The following RIMS2 variants were observed in gnomAD, a reference collection of about 807,000 sequenced individuals.
The protein encoded by RIMS2 is regulating synaptic membrane exocytosis 2.
A neutral mutation model predicts 174.4 loss-of-function variants in RIMS2; 59 were observed. The ratio of observed to expected loss-of-function variants is 0.34; its 90% CI spans 0.27 to 0.42. RIMS2 has a LOEUF of 0.42. RIMS2 is among the 10% of genes least tolerant of loss of function. The pLI is 1.00. For synonymous variants in RIMS2, 606 were observed against 572.5 expected (o/e 1.06, Z -0.84); for missense variants, 1,620 against 1,666.3 (o/e 0.97, Z 0.48).
At chr8:103,531,972 A>G (rs1402013843) in intron 1 of RIMS2, among the ~76,000 whole-genome samples, 2 of 152,250 alleles carry the variant, frequency 1.3e-5, no homozygotes, top group Non-Finnish European at 2.9e-5. Flanking sequence ...TTAAATAATT[A>G]TAGTCAATTT....
At chr8:103,792,871 G>A (rs555361252) in intron 3 of RIMS2, among the ~76,000 whole-genome samples, 6 of 152,208 alleles carry the variant, frequency 3.9e-5, no homozygotes, top group African/African-American at 1.4e-4. Context: ...ACCTTCCGAA[G>A]ACTAAACCAG....
intron 4 of RIMS2, among the ~76,000 whole-genome samples, chr8:103,901,429 T>C (rs1181061843): frequency 6.6e-6 from 1 of 152,166 alleles, no homozygotes; most frequent in Non-Finnish European, 1.5e-5. Context: ...AATTTTACTT[T>C]CTTTAGAGCA....
At chr8:104,107,751 C>T (rs2098100605) in intron 19 of RIMS2, among the ~76,000 whole-genome samples, 1 of 152,274 alleles carries the variant, frequency 6.6e-6, no homozygotes, top group South Asian at 2.1e-4. Flanking sequence ...AGTTCAAGAC[C>T]ATCCTGGGCA....
chr8:103,831,201 T>C (rs1031350104), intron 3 of RIMS2, among the ~76,000 whole-genome samples: 23 of 152,242 alleles, frequency 1.5e-4, no homozygotes, highest in African/African-American at 5.5e-4. Flanking sequence ...GTCTTATTAA[T>C]ATTAATGTTT....
At chr8:104,148,916 T>A in intron 19 of RIMS2, 68 bp downstream of exon 25, 1 of 1,479,034 alleles carries the variant, frequency 6.8e-7, no homozygotes. Flanking sequence ...TTCTTTTCTC[T>A]TACTCATTTT....
At chr8:103,999,385 G>T (rs1483983401) in intron 17 of RIMS2, among the ~76,000 whole-genome samples, 1 of 151,276 alleles carries the variant, frequency 6.6e-6, no homozygotes, top group Non-Finnish European at 1.5e-5. Context: ...ATATGATAAT[G>T]GTTATTGCTA....
rs547910649 is a variant in RIMS2, at chr8:104,227,314, C to T, written c.3335-17602C>T. Reference sequence around the variant, plus strand: ...TTTTAAGTGAAAGTAGTAATAGTACCTTACATGTTATTTAACAGTTTATAA... The same window carrying T: ...TTTTAAGTGAAAGTAGTAATAGTACTTTACATGTTATTTAACAGTTTATAA... On this transcript the variant is annotated intron_variant, in intron 19 of 23. Coordinates refer to ENST00000504942, the Ensembl canonical transcript of RIMS2. Among the ~76,000 whole-genome samples the T allele has an allele frequency of 5.4e-5, 8 of 147,936 alleles. No individual in the cohort carries two copies. In the East Asian group the frequency reaches 1.4e-3, roughly 26 times the overall value.
At chr8:103,613,682 A>G (rs2095439527) in intron 1 of RIMS2, among the ~76,000 whole-genome samples, 1 of 152,134 alleles carries the variant, frequency 6.6e-6, no homozygotes, top group African/African-American at 2.4e-5. Flanking sequence ...TCAGACCCCA[A>G]GGCCCATGGC....
At chr8:103,876,870 A>ATT (rs1237448762) in intron 3 of RIMS2, among the ~76,000 whole-genome samples, 1 of 19,746 alleles carries the variant, frequency 5.1e-5, no homozygotes, top group Admixed American at 2.9e-4. Context: ...TATTTTATAT[A>ATT]TATATATATA....
chr8:104,115,218 T>C (rs1380313494), intron 19 of RIMS2, among the ~76,000 whole-genome samples: 1 of 152,250 alleles, frequency 6.6e-6, no homozygotes, highest in African/African-American at 2.4e-5. Flanking sequence ...TCAGAAATAG[T>C]TGTTTATTCA....
chr8:104,073,418 A>G (rs951850278), intron 19 of RIMS2, among the ~76,000 whole-genome samples: 33 of 152,202 alleles, frequency 2.2e-4, no homozygotes, highest in African/African-American at 8.0e-4. Context: ...GTTTATTGGC[A>G]CAGTATTTAT....
At chr8:103,795,005 A>G (rs918659980) in intron 3 of RIMS2, among the ~76,000 whole-genome samples, 6 of 152,218 alleles carry the variant, frequency 3.9e-5, no homozygotes, top group Non-Finnish European at 8.8e-5. Context: ...AACTAGTTCA[A>G]CCATTGTGGA....
chr8:103,755,054 C>G (rs2097964504), intron 2 of RIMS2, among the ~76,000 whole-genome samples: 2 of 152,162 alleles, frequency 1.3e-5, no homozygotes, highest in Admixed American at 1.3e-4. Flanking sequence ...TATGTTTTTG[C>G]AGTGGCTGGT....
At chr8:103,770,976 A>T (rs2154427705) in intron 3 of RIMS2, among the ~76,000 whole-genome samples, 1 of 152,370 alleles carries the variant, frequency 6.6e-6, no homozygotes, top group South Asian at 2.1e-4. Context: ...CTATGGACTT[A>T]TAACTATATT....
At chr8:104,049,786 AC>A (rs1332197370) in intron 19 of RIMS2, among the ~76,000 whole-genome samples, 2 of 152,256 alleles carry the variant, frequency 1.3e-5, no homozygotes, top group Admixed American at 6.5e-5. Flanking sequence ...GACATAGTCT[AC>A]CACTTTTCTC....
At chr8:103,839,759 C>T (rs1029611007) in intron 3 of RIMS2, among the ~76,000 whole-genome samples, 5 of 152,136 alleles carry the variant, frequency 3.3e-5, no homozygotes, top group Non-Finnish European at 7.3e-5. Context: ...CTCTTCTGCC[C>T]TAGTACTTTG....
intron 3 of RIMS2, among the ~76,000 whole-genome samples, chr8:103,810,706 T>C (rs1046335054): frequency 2.6e-5 from 4 of 152,206 alleles, no homozygotes; most frequent in Non-Finnish European, 5.9e-5. Flanking sequence ...TTAAAGCTTC[T>C]AAAGCACTTT....
intron 3 of RIMS2, chr8:103,768,412 A>G (rs1299676658): frequency 2.7e-6 from 2 of 752,058 alleles, no homozygotes; most frequent in East Asian, 2.5e-5. Context: ...TGGTTGAAGA[A>G]TGGAAGGGTT....
rs114017457 is a variant in RIMS2, at chr8:104,220,826, C to T, written c.3335-24090C>T. ...TTCACTATGTTGCCCAGGCTGGTCT[C>T]GAACTTCTGAGCTCAAGTGATCCTC... is the stretch of plus-strand genomic sequence containing the variant. On this transcript the variant is annotated intron_variant, in intron 19 of 23. Coordinates refer to ENST00000504942, the Ensembl canonical transcript of RIMS2. Among the ~76,000 whole-genome samples, 938 of 152,148 alleles carry T rather than the reference C, an allele frequency of 6.2e-3. 5 individuals are homozygous for T. The highest frequency in any genetic ancestry group is 0.022 in the African/African-American group (898 of 41,518).
Sources: gnomAD v4.1 joint callset for allele counts (sites outside exome capture counted in the v4.1 genomes callset) on GRCh38, gnomAD v4.1.1 for gene constraint, MANE v1.5 for transcripts, NCBI Gene and HGNC (gene_info 2026-07-23, HGNC 2026-07-21) for gene names.